The following NKAIN2 variants were observed in gnomAD, a reference collection of about 807,000 sequenced individuals.
The protein encoded by NKAIN2 is sodium/potassium transporting ATPase interacting 2.
Under a neutral mutation model 32.6 loss-of-function variants are expected in NKAIN2, and 14 were observed. That is an observed-to-expected ratio of 0.43 (90% confidence interval 0.28 to 0.67). NKAIN2 has a LOEUF of 0.67. Among genes scored for constraint, NKAIN2 ranks in the 30% least tolerant of loss-of-function variants. The probability of loss-of-function intolerance (pLI) is 0.17; values close to 1 mark genes in which losing one functional copy is unlikely to be tolerated. For missense variants in NKAIN2, 198 were observed against 258.3 expected (o/e 0.77, Z 1.60); for synonymous variants, 80 against 87.2 (o/e 0.92, Z 0.46).
intron 1 of NKAIN2, among the ~76,000 whole-genome samples, chr6:124,046,076 CT>C (rs950701510): frequency 3.3e-5 from 5 of 151,214 alleles, no homozygotes; most frequent in African/African-American, 7.3e-5. Flanking sequence ...TACACATTAT[CT>C]TTTTTTTTCC....
At chr6:124,372,782 T>C (rs1398103595) in intron 3 of NKAIN2, among the ~76,000 whole-genome samples, 5 of 152,202 alleles carry the variant, frequency 3.3e-5, no homozygotes, top group Admixed American at 3.3e-4. Context: ...AACATTTCTA[T>C]ACTTTTCTAA....
chr6:124,463,265 A>T (rs1776605436), intron 3 of NKAIN2, among the ~76,000 whole-genome samples: 1 of 152,068 alleles, frequency 6.6e-6, no homozygotes, highest in Admixed American at 6.6e-5. Flanking sequence ...ATAAAAGAGA[A>T]CATTTAATTA....
chr6:124,181,105 C>T (rs1448885646), intron 1 of NKAIN2, among the ~76,000 whole-genome samples: 2 of 152,194 alleles, frequency 1.3e-5, no homozygotes, highest in African/African-American at 4.8e-5. Context: ...CAATTCTTGA[C>T]TTCTGTGTAC....
intron 1 of NKAIN2, among the ~76,000 whole-genome samples, chr6:124,018,577 G>C (rs919552008): frequency 6.6e-6 from 1 of 152,084 alleles, no homozygotes; most frequent in Non-Finnish European, 1.5e-5. Context: ...CAGATCTCTA[G>C]GGTGGGGAGA....
chr6:124,135,302 C>G (rs528137241), intron 1 of NKAIN2, among the ~76,000 whole-genome samples: 1 of 151,658 alleles, frequency 6.6e-6, no homozygotes, highest in African/African-American at 2.4e-5. Flanking sequence ...TGTAAATGGC[C>G]TAAATGCTCC....
chr6:124,697,684 T>C (rs1003593614), intron 4 of NKAIN2, among the ~76,000 whole-genome samples: 1 of 152,212 alleles, frequency 6.6e-6, no homozygotes, highest in Non-Finnish European at 1.5e-5. Context: ...TTCCAGTCTA[T>C]ATTGTTTCTG....
intron 5 of NKAIN2, among the ~76,000 whole-genome samples, chr6:124,801,283 C>T (rs1780244296): frequency 6.6e-6 from 1 of 152,130 alleles, no homozygotes. Flanking sequence ...TGGATTTGCT[C>T]ATTTTAAATA....
At chr6:124,787,720 C>T (rs1200256937) in intron 4 of NKAIN2, among the ~76,000 whole-genome samples, 1 of 152,050 alleles carries the variant, frequency 6.6e-6, no homozygotes, top group Non-Finnish European at 1.5e-5. Flanking sequence ...GGGGGTGCTC[C>T]TTCAGCTCAT....
At chr6:124,306,309 T>G (rs1796502739) in intron 2 of NKAIN2, among the ~76,000 whole-genome samples, 1 of 152,140 alleles carries the variant, frequency 6.6e-6, no homozygotes, top group Non-Finnish European at 1.5e-5. Flanking sequence ...GCAATAGCCT[T>G]TATAACTTCA....
chr6:124,471,444 A>G (rs1475656562), intron 3 of NKAIN2, among the ~76,000 whole-genome samples: 1 of 152,130 alleles, frequency 6.6e-6, no homozygotes, highest in Non-Finnish European at 1.5e-5. Context: ...TTTTTCTGAT[A>G]CATATCTCAT....
intron 4 of NKAIN2, among the ~76,000 whole-genome samples, chr6:124,754,039 T>G (rs767984440): frequency 1.6e-4 from 25 of 152,092 alleles, no homozygotes; most frequent in Admixed American, 3.3e-4. Flanking sequence ...TGAGTCTATT[T>G]TAGTAAGCTC....
chr6:124,322,253 TAGTA>T (rs1288330807), intron 2 of NKAIN2, among the ~76,000 whole-genome samples: 1 of 152,194 alleles, frequency 6.6e-6, no homozygotes, highest in East Asian at 1.9e-4. Flanking sequence ...TAGCCTTAAT[TAGTA>T]AGTATCAATG....
At chr6:124,643,179 C>T (rs887991659) in intron 3 of NKAIN2, among the ~76,000 whole-genome samples, 1 of 152,110 alleles carries the variant, frequency 6.6e-6, no homozygotes, top group Non-Finnish European at 1.5e-5. Context: ...GATCAAAAAC[C>T]TTTCAATAAG....
chr6:124,680,917 C>T (rs977466968), intron 4 of NKAIN2, among the ~76,000 whole-genome samples: 1 of 151,758 alleles, frequency 6.6e-6, no homozygotes, highest in African/African-American at 2.4e-5. Context: ...AAATATACTT[C>T]TACTTAGTAC....
chr6:124,736,681 A>G (rs1217959054), intron 4 of NKAIN2, among the ~76,000 whole-genome samples: 2 of 151,982 alleles, frequency 1.3e-5, no homozygotes, highest in African/African-American at 4.8e-5. Flanking sequence ...GAATGATAGC[A>G]CATCTGTTTA....
chr6:124,619,007 C>A (rs1252079467), intron 3 of NKAIN2, among the ~76,000 whole-genome samples: 2 of 151,764 alleles, frequency 1.3e-5, no homozygotes, highest in Non-Finnish European at 2.9e-5. Flanking sequence ...AAATAAGACA[C>A]TAAATCTAAG....
chr6:124,789,835 G>A (rs1397398801), intron 4 of NKAIN2, among the ~76,000 whole-genome samples: 2 of 151,890 alleles, frequency 1.3e-5, no homozygotes, highest in African/African-American at 4.8e-5. Flanking sequence ...GATTTGATGA[G>A]TTTTCTAAAA....
chr6:124,018,515 A>C (rs1180306302), intron 1 of NKAIN2, among the ~76,000 whole-genome samples: 1 of 152,126 alleles, frequency 6.6e-6, no homozygotes, highest in African/African-American at 2.4e-5. Flanking sequence ...TGCTTCTTCA[A>C]AATTTCTTTC....
intron 1 of NKAIN2, among the ~76,000 whole-genome samples, chr6:124,246,016 T>A (rs376365088): frequency 6.6e-6 from 1 of 152,142 alleles, no homozygotes; most frequent in African/African-American, 2.4e-5. Context: ...AAATGTAGTT[T>A]CAGATGATGA....
Sources: allele counts gnomAD v4.1 joint callset (sites outside exome capture counted in the v4.1 genomes callset), GRCh38; gene constraint gnomAD v4.1.1; transcripts MANE v1.5; gene names NCBI Gene and HGNC (gene_info 2026-07-23, HGNC 2026-07-21).